RNF38: variants seen among roughly 807,000 people sequenced by gnomAD.
RNF38 encodes the protein ring finger protein 38, also known as E3 ubiquitin-protein ligase RNF38.
In RNF38, 15 loss-of-function variants were observed where a neutral mutation model predicts 67.2. The observed-to-expected ratio is 0.22, with a 90% CI of 0.15 to 0.34. The LOEUF (loss-of-function observed/expected upper bound fraction) is 0.34. Among genes scored for constraint, RNF38 ranks in the 10% least tolerant of loss-of-function variants. RNF38 has a pLI of 1.00. For synonymous variants in RNF38, 220 were observed against 218.8 expected, an observed-to-expected ratio of 1.01 and a Z score of -0.05; for missense variants, 524 against 639.9, an observed-to-expected ratio of 0.82 and a Z score of 1.95.
intron 1 of RNF38, among the ~76,000 whole-genome samples, chr9:36,427,657 CTCTATCTATCTATCTATCTATCTATCTA>C (rs146556210): frequency 6.1e-5 from 9 of 147,064 alleles, no homozygotes; most frequent in Admixed American, 1.4e-4. Flanking sequence ...ATTTCCCAGC[CTCTATCTATCTATCTATCTATCTATCTA>C]TCTATCTATC....
chr9:36,446,889 G>C (rs1462551622), intron 1 of RNF38, among the ~76,000 whole-genome samples: 4 of 150,470 alleles, frequency 2.7e-5, no homozygotes. Context: ...GGGAGGCTGA[G>C]GTGGGCGGAT....
intron 1 of RNF38, among the ~76,000 whole-genome samples, chr9:36,448,139 G>C (rs114946993): frequency 6.6e-6 from 1 of 152,164 alleles, no homozygotes; most frequent in Non-Finnish European, 1.5e-5. Flanking sequence ...GGCAGAGTGA[G>C]GACAGAACTG....
At chr9:36,393,998 C>A (rs932791492) in intron 1 of RNF38, among the ~76,000 whole-genome samples, 1 of 152,230 alleles carries the variant, frequency 6.6e-6, no homozygotes, top group Middle Eastern at 3.4e-3. Flanking sequence ...AGCTCTGGGC[C>A]GGGTACAGTG....
intron 11 of RNF38, among the ~76,000 whole-genome samples, chr9:36,340,541 C>T (rs1832760957): frequency 6.6e-6 from 1 of 151,912 alleles, no homozygotes; most frequent in Non-Finnish European, 1.5e-5. Context: ...TGTGCCACCA[C>T]ACCCAACCAA....
At chr9:36,426,870 T>C (rs1314444310) in intron 1 of RNF38, among the ~76,000 whole-genome samples, 1 of 152,230 alleles carries the variant, frequency 6.6e-6, no homozygotes. Context: ...AGAATATTAT[T>C]ATCTACTTAT....
chr9:36,399,471 A>G (rs1419313885), intron 1 of RNF38, among the ~76,000 whole-genome samples: 1 of 118,204 alleles, frequency 8.5e-6, no homozygotes, highest in African/African-American at 3.2e-5. Context: ...AAGGTGAAAT[A>G]TACCATATTA....
intron 11 of RNF38, among the ~76,000 whole-genome samples, chr9:36,341,558 A>G (rs554597544): frequency 1.7e-3 from 252 of 152,218 alleles, no homozygotes; most frequent in African/African-American, 6.0e-3. Context: ...ATGAAGAGTA[A>G]AAAAGCAGCT....
At chr9:36,345,511 C>A (rs1489769526) in intron 9 of RNF38, among the ~76,000 whole-genome samples, 6 of 152,142 alleles carry the variant, frequency 3.9e-5, no homozygotes, top group African/African-American at 1.4e-4. Context: ...CCAGTTAACA[C>A]CCCCTAGCTG....
At position 36,373,837 on chromosome 9, in the gene RNF38, A is replaced by T. The variant is rs529549953; in HGVS notation, c.356+2097T>A. Among the ~76,000 whole-genome samples the T allele has an allele frequency of 5.3e-5, 8 of 151,700 alleles. No homozygotes were observed. In the East Asian group the frequency reaches 1.6e-3, roughly 29 times the overall value. ...GTTTCGCTTTTGTTGCCTAGGCTGG[A>T]GTGCAATGCACACCCGGCTAATTTT... On this transcript the variant is annotated intron_variant, in intron 3 of 11. Coordinates refer to ENST00000259605, the MANE Select transcript of RNF38 (RefSeq NM_022781.5).
At chr9:36,384,009 G>GGCCT (rs1213401405) in intron 2 of RNF38, among the ~76,000 whole-genome samples, 1 of 152,046 alleles carries the variant, frequency 6.6e-6, no homozygotes, top group Non-Finnish European at 1.5e-5. Context: ...AGTCTAAGGA[G>GGCCT]GCCTGCATGG....
chr9:36,424,592 A>T, intron 2 of RNF38: 1 of 975,348 alleles, frequency 1.0e-6, no homozygotes, highest in Non-Finnish European at 1.2e-6. Flanking sequence ...TCCCCATGGC[A>T]GACATCAACA....
At position 36,375,970 on chromosome 9, in the gene RNF38, C is replaced by T. The variant is rs1835757758; in HGVS notation, c.320G>A (p.Gly107Glu). 6.2e-7 allele frequency: 1 copy of T among 1,612,648 alleles called. No homozygotes were observed. The highest frequency in any genetic ancestry group is 1.3e-5 in the African/African-American group (1 of 74,830). ...SVRPSQHHFSGERCNTPARNR... is the reference protein window; with the variant it reads ...SVRPSQHHFSEERCNTPARNR... ...GCGTGCAGGTGTGTTGCATCGTTCC[C>T]CTGAGAAGTGATGTTGGCTTGGTCG... The change falls in exon 3 of 12, where the codon GGG becomes GAG. Residue 107 changes from glycine to glutamate, a missense_variant. Gly to Glu is a moderately conservative substitution (Grantham distance 98). Around this residue, in one of 2 missense-constraint regions of RNF38, gnomAD observed 461 missense variants for 517.4 expected, o/e 0.89. Transcript: ENST00000259605.
chr9:36,406,110 C>T (rs561182291), upstream of RNF38, among the ~76,000 whole-genome samples: 1 of 152,316 alleles, frequency 6.6e-6, no homozygotes, highest in Admixed American at 6.5e-5. Context: ...GTAAGCTCCT[C>T]AAGTCTCAGT....
At chr9:36,386,514 T>C (rs976530480) in intron 2 of RNF38, among the ~76,000 whole-genome samples, 5 of 152,324 alleles carry the variant, frequency 3.3e-5, no homozygotes, top group Admixed American at 2.6e-4. Context: ...TTAGAGGCGT[T>C]TGAACCAGAG....
rs187039356 is a variant in RNF38, at chr9:36,478,232, A to C, written n.241+9076T>G. On this transcript the variant is annotated intron_variant and non_coding_transcript_variant, in intron 1 of 3. Transcript: ENST00000488058. Reference sequence around the variant, plus strand: ...ATTCTGGCTAACATGGTGAAACCCCATCTCTACTAAAAATACAAAAAATTA... The same window carrying C: ...ATTCTGGCTAACATGGTGAAACCCCCTCTCTACTAAAAATACAAAAAATTA... 5.0e-3 allele frequency among the ~76,000 whole-genome samples: 750 copies of C among 151,206 alleles called. 7 individuals are homozygous for C. Among genetic ancestry groups the C allele is most frequent in the Non-Finnish European group, 7.1e-3 (481 of 67,742 alleles).
chr9:36,429,278 A>T (rs2134257380), intron 1 of RNF38, among the ~76,000 whole-genome samples: 1 of 152,288 alleles, frequency 6.6e-6, no homozygotes, highest in East Asian at 1.9e-4. Context: ...AGAGGCAAAT[A>T]TTCCCCAAAT....
Position 36,482,745 on chromosome 9 carries a change from T to C in RNF38, n.241+4563A>G, listed in dbSNP as rs572787989. Among the ~76,000 whole-genome samples the C allele has an allele frequency of 3.9e-5, 6 of 152,346 alleles. No homozygotes were observed. In the South Asian group the frequency reaches 1.2e-3, roughly 32 times the overall value. ...TTTAAGCTGTGCTCTTTGGTTCAGC[T>C]GAGCATGGTGATGAAAAGCCCCTTC... On this transcript the variant is annotated intron_variant and non_coding_transcript_variant, in intron 1 of 3. Coordinates refer to the RNF38 transcript ENST00000488058.
At chr9:36,451,500 T>TTTGTTTG (rs1554698295) in intron 1 of RNF38, among the ~76,000 whole-genome samples, 13 of 135,262 alleles carry the variant, frequency 9.6e-5, no homozygotes, top group African/African-American at 3.4e-4. Flanking sequence ...AGTTTTTTTT[T>TTTGTTTG]TTTTTTTTTT....
At chr9:36,346,502 T>C (rs1833250269) in intron 9 of RNF38, among the ~76,000 whole-genome samples, 1 of 152,170 alleles carries the variant, frequency 6.6e-6, no homozygotes, top group African/African-American at 2.4e-5. Flanking sequence ...ATTATTATGC[T>C]TATTGATTTT....
Sources: allele counts gnomAD v4.1 joint callset (sites outside exome capture counted in the v4.1 genomes callset), GRCh38; gene constraint gnomAD v4.1.1; regional missense constraint gnomAD v4.1.1; transcripts MANE v1.5; gene names NCBI Gene and HGNC (gene_info 2026-07-23, HGNC 2026-07-21).